The following EFNB2 variants were observed in gnomAD, a reference collection of about 807,000 sequenced individuals.
EFNB2 encodes ephrin-B2.
In EFNB2, 5 loss-of-function variants were observed where a neutral mutation model predicts 32.1. The observed-to-expected ratio is 0.16, with a 90% confidence interval of 0.08 to 0.33. The LOEUF is 0.33. Among genes scored for constraint, EFNB2 ranks in the 10% least tolerant of loss-of-function variants. The probability of loss-of-function intolerance (pLI) is 1.00; values close to 1 mark genes in which losing one functional copy is unlikely to be tolerated. For synonymous variants in EFNB2, 168 were observed against 166.5 expected, an observed-to-expected ratio of 1.01 and a Z score of -0.07; for missense variants, 263 against 422.6, an observed-to-expected ratio of 0.62 and a Z score of 3.31.
At chr13:106,513,248 A>G (rs1192031126) in intron 1 of EFNB2, among the ~76,000 whole-genome samples, 2 of 152,176 alleles carry the variant, frequency 1.3e-5, no homozygotes, top group Non-Finnish European at 2.9e-5. Context: ...TGGATCCACT[A>G]ATACTTTGTT....
chr13:106,522,826 C>G (rs1879570318), intron 1 of EFNB2, among the ~76,000 whole-genome samples: 1 of 152,184 alleles, frequency 6.6e-6, no homozygotes, highest in Non-Finnish European at 1.5e-5. Context: ...TTGAGTCTGT[C>G]TCGTTTACCA....
chr13:106,515,128 C>T (rs1879270083), intron 1 of EFNB2, among the ~76,000 whole-genome samples: 1 of 152,128 alleles, frequency 6.6e-6, no homozygotes, highest in Admixed American at 6.5e-5. Flanking sequence ...CATCACTCAC[C>T]GTCTCAGCGA....
chr13:106,519,916 G>A (rs987262285), intron 1 of EFNB2: 6 of 152,110 alleles, frequency 3.9e-5, no homozygotes, highest in Non-Finnish European at 7.4e-5. Context: ...AACTTTTGAT[G>A]CAATTCCCTA....
intron 1 of EFNB2, among the ~76,000 whole-genome samples, chr13:106,527,032 T>C (rs950747046): frequency 2.0e-5 from 3 of 152,198 alleles, no homozygotes; most frequent in African/African-American, 7.2e-5. Flanking sequence ...TGCTAAAGCA[T>C]CATTGGCTTT....
At chr13:106,533,425 A>C (rs993189381) in intron 1 of EFNB2, among the ~76,000 whole-genome samples, 1 of 152,238 alleles carries the variant, frequency 6.6e-6, no homozygotes, top group African/African-American at 2.4e-5. Context: ...TTACATTAAA[A>C]ATATAATCCA....
At chr13:106,527,012 C>G (rs1415966966) in intron 1 of EFNB2, among the ~76,000 whole-genome samples, 3 of 152,112 alleles carry the variant, frequency 2.0e-5, no homozygotes, top group African/African-American at 7.2e-5. Flanking sequence ...ACATCCACCC[C>G]TGCCAAAAAT....
intron 2 of EFNB2, among the ~76,000 whole-genome samples, chr13:106,501,524 G>GCAAGT (rs1280862192): frequency 1.3e-5 from 2 of 151,806 alleles, no homozygotes; most frequent in African/African-American, 4.8e-5. Context: ...TTATCTTAGA[G>GCAAGT]CAAGTTTTAT....
chr13:106,529,248 GTC>G (rs1879797246), intron 1 of EFNB2, among the ~76,000 whole-genome samples: 1 of 152,052 alleles, frequency 6.6e-6, no homozygotes, highest in East Asian at 1.9e-4. Flanking sequence ...ATCCCCTCTG[GTC>G]TCTGTTCCTT....
chr13:106,531,328 C>T (rs1190649590), intron 1 of EFNB2, among the ~76,000 whole-genome samples: 3 of 152,216 alleles, frequency 2.0e-5, no homozygotes, highest in Admixed American at 6.5e-5. Flanking sequence ...CTCAGTTGTC[C>T]TGCAGAACAA....
At position 106,535,098 on chromosome 13, in the gene EFNB2, G is replaced by T; in HGVS notation, c.-134C>A. On this transcript the variant is annotated 5_prime_UTR_variant, in exon 1 of 5. Transcript: ENST00000646441. The stretch of plus-strand genomic sequence containing the variant: ...CCCGCAGGCAGCTCCGAGGCGCGCT[G>T]CGCAGCTCCAGCGGTCGCCGGGCCA... The T allele has an allele frequency of 1.6e-6, 2 of 1,229,990 alleles. No homozygotes were observed. Among genetic ancestry groups the T allele is most frequent in the Non-Finnish European group, 2.2e-6 (2 of 928,790 alleles). The allele number at this position is 1,229,990 out of a possible 1,614,324, so 76.2% of individuals were successfully genotyped here.
chr13:106,523,553 C>T (rs1359313682), intron 1 of EFNB2, among the ~76,000 whole-genome samples: 1 of 152,134 alleles, frequency 6.6e-6, no homozygotes, highest in Non-Finnish European at 1.5e-5. Context: ...GACCTCTGGC[C>T]GGCGGCTGCA....
Position 106,497,829 on chromosome 13 carries a change from A to G in EFNB2, c.407-1989T>C, listed in dbSNP as rs182112958. On this transcript the variant is annotated intron_variant, in intron 2 of 4. Coordinates refer to ENST00000646441, the MANE Select transcript of EFNB2 (RefSeq NM_004093.4). ...CAGAGGCTTCAAACTATGAGTTTCT[A>G]TGAGCAGATCCTATTTCTGGACCAT... 5.3e-5 allele frequency among the ~76,000 whole-genome samples: 8 copies of G among 152,296 alleles called. No individual in the cohort carries two copies. In the East Asian group the frequency reaches 1.4e-3, roughly 26 times the overall value.
At chr13:106,532,536 T>C (rs1487360429) in intron 1 of EFNB2, among the ~76,000 whole-genome samples, 1 of 152,212 alleles carries the variant, frequency 6.6e-6, no homozygotes, top group Non-Finnish European at 1.5e-5. Context: ...CAGGGGGTTG[T>C]ATGCATTCTC....
chr13:106,531,188 A>C (rs753182173), intron 1 of EFNB2, among the ~76,000 whole-genome samples: 18 of 152,200 alleles, frequency 1.2e-4, no homozygotes, highest in Non-Finnish European at 2.1e-4. Flanking sequence ...TGGGGCTTGA[A>C]GCTGTAACTG....
intron 2 of EFNB2, among the ~76,000 whole-genome samples, chr13:106,501,180 A>C (rs1382170051): frequency 6.6e-6 from 1 of 152,226 alleles, no homozygotes; most frequent in Non-Finnish European, 1.5e-5. Context: ...TTATCTTTTA[A>C]GATGCTAACT....
At chr13:106,497,179 TTG>T (rs1313841061) in intron 2 of EFNB2, among the ~76,000 whole-genome samples, 7 of 152,234 alleles carry the variant, frequency 4.6e-5, no homozygotes, top group Non-Finnish European at 1.0e-4. Flanking sequence ...ACTTATTTAC[TTG>T]TCTTTGTGGT....
intron 1 of EFNB2, among the ~76,000 whole-genome samples, chr13:106,522,983 T>A (rs554967174): frequency 1.3e-5 from 2 of 152,234 alleles, no homozygotes; most frequent in Non-Finnish European, 2.9e-5. Flanking sequence ...GAGATTCACC[T>A]TGCCAATCAA....
intron 3 of EFNB2, among the ~76,000 whole-genome samples, chr13:106,495,201 T>C (rs1258868777): frequency 6.6e-6 from 1 of 152,258 alleles, no homozygotes. Flanking sequence ...AGGCCATCTG[T>C]GGAAACTATA....
At chr13:106,495,475 C>T (rs1001210966) in intron 3 of EFNB2, among the ~76,000 whole-genome samples, 1 of 142,568 alleles carries the variant, frequency 7.0e-6, no homozygotes, top group Middle Eastern at 3.7e-3. Context: ...AAAGAAATAT[C>T]TATCTATCTA....
Sources: allele counts gnomAD v4.1 joint callset (sites outside exome capture counted in the v4.1 genomes callset), GRCh38; gene constraint gnomAD v4.1.1; transcripts MANE v1.5; gene names NCBI Gene and HGNC (gene_info 2026-07-23, HGNC 2026-07-21).